The following SGCD variants were observed in gnomAD, a reference collection of about 807,000 sequenced individuals.
SGCD encodes sarcoglycan delta.
SGCD carries 18 observed loss-of-function variants against 36.6 expected under a neutral mutation model. That is an observed-to-expected ratio of 0.49 (90% CI 0.34 to 0.73). SGCD has a LOEUF of 0.73. Among genes scored for constraint, SGCD ranks in the 30% least tolerant of loss-of-function variants. SGCD has a pLI of 0.01. For synonymous variants in SGCD, 133 were observed against 130.6 expected (o/e 1.02, Z -0.12); for missense variants, 387 against 346.7 (o/e 1.12, Z -0.92).
At chr5:156,717,751 C>T (rs1186896290) in intron 7 of SGCD, among the ~76,000 whole-genome samples, 1 of 152,124 alleles carries the variant, frequency 6.6e-6, no homozygotes, top group Non-Finnish European at 1.5e-5. Flanking sequence ...ACAGCCCCTC[C>T]ACCCAACACC....
At chr5:156,677,714 A>G (rs180940810) in intron 7 of SGCD, among the ~76,000 whole-genome samples, 1 of 152,138 alleles carries the variant, frequency 6.6e-6, no homozygotes, top group African/African-American at 2.4e-5. Flanking sequence ...TCTGGTGGAG[A>G]AAATTTTATA....
intron 1 of SGCD, among the ~76,000 whole-genome samples, chr5:156,075,657 A>G (rs1280528920): frequency 1.3e-5 from 2 of 152,216 alleles, no homozygotes; most frequent in African/African-American, 2.4e-5. Flanking sequence ...AGAAAGAAAC[A>G]TAGTAATTAT....
At chr5:155,786,188 C>T in the SGCD span, among the ~76,000 whole-genome samples, 3 of 152,250 alleles carry the variant, frequency 2.0e-5, no homozygotes, top group Middle Eastern at 3.4e-3. Context: ...TTGCAAGTAA[C>T]AGAAACTGAA....
chr5:156,483,941 G>A (rs1375910422), intron 3 of SGCD, among the ~76,000 whole-genome samples: 5 of 152,188 alleles, frequency 3.3e-5, no homozygotes, highest in Non-Finnish European at 7.3e-5. Context: ...GCAGCCTGAT[G>A]TTAAAGGTTT....
At chr5:156,601,611 G>A (rs1318075288) in intron 6 of SGCD, among the ~76,000 whole-genome samples, 1 of 152,126 alleles carries the variant, frequency 6.6e-6, no homozygotes, top group African/African-American at 2.4e-5. Flanking sequence ...GCTATTTGGA[G>A]TCTTCTGTGG....
chr5:156,359,936 T>G (rs1232853734), intron 3 of SGCD, among the ~76,000 whole-genome samples: 1 of 152,216 alleles, frequency 6.6e-6, no homozygotes, highest in Non-Finnish European at 1.5e-5. Flanking sequence ...GACTTAATTA[T>G]GTTGGAGCAA....
intron 1 of SGCD, among the ~76,000 whole-genome samples, chr5:156,082,514 A>G (rs1442398645): frequency 6.6e-6 from 1 of 152,200 alleles, no homozygotes; most frequent in Non-Finnish European, 1.5e-5. Context: ...CTTTAACTCC[A>G]CATAATCCTC....
intron 7 of SGCD, among the ~76,000 whole-genome samples, chr5:156,689,131 G>C (rs919084528): frequency 6.6e-6 from 1 of 152,220 alleles, no homozygotes; most frequent in Non-Finnish European, 1.5e-5. Flanking sequence ...GATTGTACCA[G>C]TGTTAATTTC....
At chr5:156,342,338 C>A (rs977343454) in intron 2 of SGCD, among the ~76,000 whole-genome samples, 10 of 152,150 alleles carry the variant, frequency 6.6e-5, no homozygotes, top group African/African-American at 2.2e-4. Context: ...TATGACAATT[C>A]CAGATTATTG....
At chr5:156,466,940 G>A (rs573758697) in intron 3 of SGCD, among the ~76,000 whole-genome samples, 1 of 152,176 alleles carries the variant, frequency 6.6e-6, no homozygotes, top group East Asian at 1.9e-4. Flanking sequence ...GCCACAAAGG[G>A]CCTGTAGTGT....
At chr5:155,836,748 G>T in the SGCD span, among the ~76,000 whole-genome samples, 2 of 152,126 alleles carry the variant, frequency 1.3e-5, no homozygotes, top group African/African-American at 4.8e-5. Context: ...CCAGGGAGAG[G>T]TATTTTTCTC....
chr5:155,832,088 G>GA, the SGCD span, among the ~76,000 whole-genome samples: 1 of 152,118 alleles, frequency 6.6e-6, no homozygotes, highest in Non-Finnish European at 1.5e-5. Flanking sequence ...TTTTATTAGG[G>GA]AAAAATCTTA....
intron 7 of SGCD, among the ~76,000 whole-genome samples, chr5:156,675,253 A>G (rs1753461769): frequency 6.6e-6 from 1 of 152,238 alleles, no homozygotes; most frequent in Non-Finnish European, 1.5e-5. Flanking sequence ...GACATAATAC[A>G]TATGAACTAC....
intron 1 of SGCD, among the ~76,000 whole-genome samples, chr5:155,890,148 A>G (rs1756090590): frequency 6.6e-6 from 1 of 152,214 alleles, no homozygotes; most frequent in South Asian, 2.1e-4. Flanking sequence ...GCCATGATGA[A>G]CCATGGACAA....
chr5:155,940,875 CA>C (rs201807136), intron 1 of SGCD, among the ~76,000 whole-genome samples: 6,646 of 89,756 alleles, frequency 0.074, 207 homozygotes, highest in African/African-American at 0.16. Flanking sequence ...ACAACAACAA[CA>C]AAAAAAACAT....
chr5:155,838,992 CAGA>C, the SGCD span, among the ~76,000 whole-genome samples: 1 of 152,088 alleles, frequency 6.6e-6, no homozygotes, highest in Non-Finnish European at 1.5e-5. Context: ...AATAGGTTTT[CAGA>C]AGGTTTATAT....
intron 3 of SGCD, among the ~76,000 whole-genome samples, chr5:156,446,310 A>G (rs1457203548): frequency 1.3e-5 from 2 of 152,342 alleles, no homozygotes; most frequent in East Asian, 1.9e-4. Flanking sequence ...AAAAGATGCC[A>G]TAAGACAAAG....
chr5:156,623,600 A>T (rs1762336088), intron 6 of SGCD, among the ~76,000 whole-genome samples: 1 of 152,136 alleles, frequency 6.6e-6, no homozygotes. Context: ...TGTTCTTCCC[A>T]CTCAGTTGCT....
intron 3 of SGCD, among the ~76,000 whole-genome samples, chr5:156,158,589 ACCC>A (rs1427478727): frequency 6.6e-6 from 1 of 151,440 alleles, no homozygotes; most frequent in African/African-American, 2.4e-5. Context: ...CATTGGCCAC[ACCC>A]AACCAGGGAT....
Sources: gnomAD v4.1 joint callset for allele counts (sites outside exome capture counted in the v4.1 genomes callset) on GRCh38, gnomAD v4.1.1 for gene constraint, MANE v1.5 for transcripts, NCBI Gene and HGNC (gene_info 2026-07-23, HGNC 2026-07-21) for gene names.